The following NAALAD2 variants were observed in gnomAD, a reference collection of about 807,000 sequenced individuals.
NAALAD2 encodes N-acetylated alpha-linked acidic dipeptidase 2, also known as N-acetylated-alpha-linked acidic dipeptidase 2.
NAALAD2 carries 89 observed loss-of-function variants against 95.6 expected under a neutral mutation model. The ratio of observed to expected loss-of-function variants is 0.93; its 90% CI spans 0.78 to 1.11. The LOEUF (loss-of-function observed/expected upper bound fraction) is 1.11, where lower values mean the gene tolerates loss of function less well. NAALAD2 is among the 50% of genes least tolerant of loss of function. The pLI, the probability that NAALAD2 is intolerant of heterozygous loss-of-function variation, is 0.00. For missense variants in NAALAD2, 894 were observed against 872.4 expected, an observed-to-expected ratio of 1.02 and a Z score of -0.31; for synonymous variants, 264 against 294.4, an observed-to-expected ratio of 0.90 and a Z score of 1.06.
intron 8 of NAALAD2, 170 bp from the exon 9 acceptor site, chr11:90,162,779 T>C (rs1590992793): frequency 2.3e-6 from 1 of 442,976 alleles, no homozygotes; most frequent in African/African-American, 2.1e-5. Context: ...TGCAAATGCT[T>C]CAACAGTGTT....
At chr11:90,168,329 C>G (rs145699358) in intron 11 of NAALAD2, among the ~76,000 whole-genome samples, 5,821 of 152,282 alleles carry the variant, frequency 0.038, 158 homozygotes, top group Non-Finnish European at 0.057. Flanking sequence ...CGGCTTCATT[C>G]TTGAAGTCAG....
At chr11:90,175,926 T>TTA in intron 14 of NAALAD2, 46 bp from the exon 15 acceptor site, 1 of 621,418 alleles carries the variant, frequency 1.6e-6, no homozygotes, top group South Asian at 3.6e-5. Context: ...ATTTACTTGT[T>TTA]TATGTGTGTG....
intron 6 of NAALAD2, among the ~76,000 whole-genome samples, chr11:90,154,866 T>TCG (rs1951995721): frequency 1.2e-4 from 14 of 119,512 alleles, no homozygotes; most frequent in Non-Finnish European, 2.2e-4. Context: ...TATGTATATA[T>TCG]TATATACGTA....
intron 18 of NAALAD2, among the ~76,000 whole-genome samples, chr11:90,188,043 T>C (rs1350803660): frequency 1.3e-5 from 2 of 152,060 alleles, no homozygotes; most frequent in Non-Finnish European, 2.9e-5. Flanking sequence ...AAAACGGAAA[T>C]GAGTAACAGA....
At chr11:90,134,866 G>A (rs1412763101) in intron 1 of NAALAD2, 26 bp downstream of exon 1, 1 of 1,609,302 alleles carries the variant, frequency 6.2e-7, no homozygotes, top group Non-Finnish European at 8.5e-7. Flanking sequence ...ACTCTACCCC[G>A]ACTCCGGGGC....
At chr11:90,146,413 C>T (rs1177012383) in intron 2 of NAALAD2, among the ~76,000 whole-genome samples, 1 of 112,816 alleles carries the variant, frequency 8.9e-6, no homozygotes, top group African/African-American at 3.5e-5. Flanking sequence ...GGCTGGAGTG[C>T]ATTGGCATGA....
At chr11:90,158,997 C>T (rs1429279781) in intron 7 of NAALAD2, 2 of 415,816 alleles carry the variant, frequency 4.8e-6, no homozygotes, top group Non-Finnish European at 8.6e-6. Context: ...TTTGCCATGA[C>T]TACTTTATTT....
chr11:90,182,711 G>C (rs1010206075), intron 17 of NAALAD2, among the ~76,000 whole-genome samples: 1 of 152,024 alleles, frequency 6.6e-6, no homozygotes, highest in African/African-American at 2.4e-5. Flanking sequence ...TTTTCCAATA[G>C]GTCTCTCTGC....
At chr11:90,133,245 T>G (rs571707006), upstream of NAALAD2, among the ~76,000 whole-genome samples, 1 of 152,294 alleles carries the variant, frequency 6.6e-6, no homozygotes, top group East Asian at 1.9e-4. Context: ...CTGAAAAAAC[T>G]ACTTTTGGTT....
At chr11:90,165,498 C>T (rs1258654709) in intron 11 of NAALAD2, among the ~76,000 whole-genome samples, 11 of 152,120 alleles carry the variant, frequency 7.2e-5, no homozygotes, top group Admixed American at 7.2e-4. Flanking sequence ...TTTGAAAATG[C>T]TTTCCTCCTA....
At chr11:90,147,302 G>T (rs773443589) in intron 2 of NAALAD2, 28 bp from the exon 3 acceptor site, 1 of 1,566,468 alleles carries the variant, frequency 6.4e-7, no homozygotes, top group Admixed American at 1.7e-5. Flanking sequence ...AGTCTTTAAT[G>T]CCCTCTTATG....
intron 2 of NAALAD2, among the ~76,000 whole-genome samples, chr11:90,145,329 C>T (rs1305183940): frequency 3.3e-5 from 5 of 152,106 alleles, no homozygotes; most frequent in Non-Finnish European, 7.4e-5. Context: ...TTCTGTACTT[C>T]TCTATTTCAT....
intron 2 of NAALAD2, among the ~76,000 whole-genome samples, chr11:90,146,146 A>G (rs1951744495): frequency 6.6e-6 from 1 of 151,904 alleles, no homozygotes; most frequent in African/African-American, 2.4e-5. Flanking sequence ...AATGGGGATG[A>G]CAGAAGAAGG....
At chr11:90,145,868 A>T (rs1434999767) in intron 2 of NAALAD2, among the ~76,000 whole-genome samples, 1 of 152,184 alleles carries the variant, frequency 6.6e-6, no homozygotes, top group African/African-American at 2.4e-5. Flanking sequence ...TAAGAGAGTG[A>T]TGTGGAATTA....
intron 15 of NAALAD2, among the ~76,000 whole-genome samples, chr11:90,177,518 G>T (rs113985054): frequency 7.1e-6 from 1 of 141,250 alleles, no homozygotes; most frequent in South Asian, 2.2e-4. Flanking sequence ...TAGTGTTTTC[G>T]TTATTAGCGT....
chr11:90,179,538 GA>G (rs973496008), intron 16 of NAALAD2, among the ~76,000 whole-genome samples: 34 of 151,734 alleles, frequency 2.2e-4, no homozygotes, highest in Non-Finnish European at 4.1e-4. Flanking sequence ...CTATGGTCTA[GA>G]AAAAAAATGA....
intron 2 of NAALAD2, among the ~76,000 whole-genome samples, chr11:90,141,664 G>A (rs572706033): frequency 1.3e-5 from 2 of 152,090 alleles, no homozygotes; most frequent in African/African-American, 4.8e-5. Flanking sequence ...TTCCCAGGCT[G>A]GTTTCAAACT....
At chr11:90,188,182 T>C (rs1001790362) in intron 18 of NAALAD2, among the ~76,000 whole-genome samples, 3 of 152,312 alleles carry the variant, frequency 2.0e-5, no homozygotes, top group South Asian at 2.1e-4. Context: ...ATTTAGGTTA[T>C]AGTTCACTAT....
intron 18 of NAALAD2, among the ~76,000 whole-genome samples, chr11:90,185,507 CA>C (rs1255548270): frequency 1.3e-5 from 2 of 151,934 alleles, no homozygotes; most frequent in African/African-American, 4.8e-5. Flanking sequence ...CCTGTTTCTA[CA>C]AAAAATTTTT....
Sources: allele counts gnomAD v4.1 joint callset (sites outside exome capture counted in the v4.1 genomes callset), GRCh38; gene constraint gnomAD v4.1.1; transcripts MANE v1.5; gene names NCBI Gene and HGNC (gene_info 2026-07-23, HGNC 2026-07-21).